Variants in IRF6 observed in about 807,000 individuals in gnomAD.
The protein encoded by IRF6 is interferon regulatory factor 6.
Under a neutral mutation model 51.4 loss-of-function variants are expected in IRF6, and 6 were observed. That is an observed-to-expected ratio of 0.12 (90% CI 0.06 to 0.23). The LOEUF (loss-of-function observed/expected upper bound fraction) is 0.23. Among genes scored for constraint, IRF6 ranks in the 10% least tolerant of loss-of-function variants. The probability of loss-of-function intolerance (pLI) is 1.00; values close to 1 mark genes in which losing one functional copy is unlikely to be tolerated. For missense variants in IRF6, 348 were observed against 585.2 expected (o/e 0.59, Z 4.18); for synonymous variants, 178 against 215.7 (o/e 0.83, Z 1.53).
At chr1:209,789,902 T>A in intron 7 of IRF6, 117 bp from the exon 8 acceptor site, 1 of 739,212 alleles carries the variant, frequency 1.4e-6, no homozygotes, top group Non-Finnish European at 2.4e-6. Context: ...TCACTAGTTT[T>A]AAATTAATTA....
chr1:209,804,621 T>C (rs2077962806), intron 1 of IRF6, among the ~76,000 whole-genome samples: 1 of 152,134 alleles, frequency 6.6e-6, no homozygotes, highest in African/African-American at 2.4e-5. Context: ...CTCTAACAGG[T>C]ACTTAAACAG....
chr1:209,801,174 T>G, intron 3 of IRF6, 66 bp downstream of exon 3: 2 of 1,306,446 alleles, frequency 1.5e-6, no homozygotes, highest in Non-Finnish European at 1.1e-6. Context: ...TCTAGTGTAT[T>G]CCCCATGCCA....
rs559777968 is a variant in IRF6 at position 209,798,840 on chromosome 1, C to T, written c.175-2288G>A. On this transcript the variant is annotated intron_variant, in intron 3 of 8. Transcript: ENST00000367021. Reference sequence around the variant, plus strand: ...AGGAGAATCGCTTGAACCCGGGAGGCGGAGTTTGCAGTGAGCCAAGATCGC... The same window carrying T: ...AGGAGAATCGCTTGAACCCGGGAGGTGGAGTTTGCAGTGAGCCAAGATCGC... Among the ~76,000 whole-genome samples the T allele has an allele frequency of 8.7e-5, 12 of 138,056 alleles. 1 individual carries two copies. The South Asian group carries it at 2.1e-3, about 24-fold the overall frequency. 90.6% of individuals were successfully genotyped at this position (138,056 alleles called of 152,430 possible). A position where few individuals can be genotyped will look rare whatever the true frequency, so the allele number is the denominator to read the frequency against.
At chr1:209,793,498 A>G (rs595918) in intron 5 of IRF6, among the ~76,000 whole-genome samples, 124,277 of 152,164 alleles carry the variant, frequency 0.82, 50,819 homozygotes, top group African/African-American at 0.85. Context: ...CAGACATTTG[A>G]GAAAGGATCC....
At chr1:209,803,096 G>A (rs908667522) in intron 1 of IRF6, among the ~76,000 whole-genome samples, 2 of 152,156 alleles carry the variant, frequency 1.3e-5, no homozygotes, top group African/African-American at 4.8e-5. Flanking sequence ...CTTGAATTAC[G>A]GTGTTTTGTA....
At chr1:209,803,077 G>A (rs1047555598) in intron 1 of IRF6, among the ~76,000 whole-genome samples, 5 of 152,202 alleles carry the variant, frequency 3.3e-5, no homozygotes, top group African/African-American at 1.2e-4. Context: ...GTACCCCCAT[G>A]TAGTTGGCCT....
chr1:209,801,162 G>T, intron 3 of IRF6, 78 bp downstream of exon 3: 2 of 1,218,332 alleles, frequency 1.6e-6, no homozygotes, highest in Middle Eastern at 2.3e-4. Flanking sequence ...CAGAGTTTTA[G>T]ATCTAGTGTA....
intron 1 of IRF6, among the ~76,000 whole-genome samples, chr1:209,804,232 C>T (rs1293450367): frequency 6.6e-6 from 1 of 152,162 alleles, no homozygotes; most frequent in African/African-American, 2.4e-5. Context: ...CTTTACCTAA[C>T]ATGTCTGATT....
chr1:209,802,200 A>G (rs1448532951), intron 1 of IRF6, 157 bp from the exon 2 acceptor site: 2 of 152,240 alleles, frequency 1.3e-5, no homozygotes, highest in Non-Finnish European at 2.9e-5. Context: ...ATACTAAAGT[A>G]CTAAGAGTAC....
chr1:209,800,822 A>C (rs1224741113), intron 3 of IRF6, among the ~76,000 whole-genome samples: 1 of 152,192 alleles, frequency 6.6e-6, no homozygotes. Flanking sequence ...CATAGGCTAT[A>C]CTGCGTGCCT....
chr1:209,795,271 A>T lies in IRF6; in HGVS notation c.508+19T>A. ...TACATCCTCCATATGTCTCTGTACC[A>T]CCCATCATCCCCACTCACCATTGAT... On this transcript the variant is annotated intron_variant, in intron 5 of 8. Transcript: ENST00000367021. The T allele has an allele frequency of 1.2e-6, 2 of 1,613,880 alleles. No individual in the cohort carries two copies. The highest frequency in any genetic ancestry group is 8.5e-7 in the Non-Finnish European group (1 of 1,179,894).
chr1:209,791,100 C>T (rs1443692595), intron 6 of IRF6: 1 of 961,848 alleles, frequency 1.0e-6, no homozygotes, highest in African/African-American at 1.8e-5. Flanking sequence ...GTTCAAAGTC[C>T]ATCTCAACTA....
At chr1:209,803,991 T>C (rs960602401) in intron 1 of IRF6, among the ~76,000 whole-genome samples, 3 of 152,106 alleles carry the variant, frequency 2.0e-5, no homozygotes, top group Non-Finnish European at 4.4e-5. Flanking sequence ...AATACAACAA[T>C]GCAACAAAAT....
chr1:209,789,813 T>C (rs1257025673), intron 7 of IRF6, 28 bp from the exon 8 acceptor site: 1 of 1,473,060 alleles, frequency 6.8e-7, no homozygotes, highest in Non-Finnish European at 9.5e-7. Flanking sequence ...GCAAGTTTGG[T>C]ATACTGGGTC....
chr1:209,802,628 G>A (rs1463106170), intron 1 of IRF6, among the ~76,000 whole-genome samples: 1 of 152,166 alleles, frequency 6.6e-6, no homozygotes, highest in Non-Finnish European at 1.5e-5. Flanking sequence ...GACGCTCCAT[G>A]TTCCTTCTTG....
At chr1:209,805,736 G>C (rs2077970202) in intron 1 of IRF6, among the ~76,000 whole-genome samples, 1 of 146,270 alleles carries the variant, frequency 6.8e-6, no homozygotes, top group Admixed American at 6.8e-5. Context: ...GTGTAGATTC[G>C]AGAGGGGCCT....
rs781129893 is a variant in IRF6 at position 209,795,277 on chromosome 1, C to T, written c.508+13G>A. 1.1e-5 allele frequency: 18 copies of T among 1,614,022 alleles called. No individual in the cohort carries two copies. The East Asian group carries it at 3.8e-4, about 34-fold the overall frequency. ...CTCCATATGTCTCTGTACCACCCAT[C>T]ATCCCCACTCACCATTGATGTTCAG... On this transcript the variant is annotated intron_variant, in intron 5 of 8. Transcript: ENST00000367021.
intron 5 of IRF6, chr1:209,792,641 T>C (rs2102539000): frequency 1.7e-6 from 1 of 600,682 alleles, no homozygotes; most frequent in East Asian, 2.8e-5. Flanking sequence ...CTCCCACAAA[T>C]TCATAGTTTT....
chr1:209,791,469 T>G (rs2077868607), intron 6 of IRF6, among the ~76,000 whole-genome samples: 1 of 152,218 alleles, frequency 6.6e-6, no homozygotes, highest in African/African-American at 2.4e-5. Context: ...ATTTTATTAA[T>G]AGCACTCACA....
Sources: gnomAD v4.1 joint callset for allele counts (sites outside exome capture counted in the v4.1 genomes callset) on GRCh38, gnomAD v4.1.1 for gene constraint, MANE v1.5 for transcripts, NCBI Gene and HGNC (gene_info 2026-07-23, HGNC 2026-07-21) for gene names.